Variants in COBLL1 observed in about 807,000 individuals in gnomAD.
COBLL1 encodes the protein cordon-bleu WH2 repeat protein like 1.
In COBLL1, 50 loss-of-function variants were observed where a neutral mutation model predicts 94.8. That is an observed-to-expected ratio of 0.53 (90% CI 0.42 to 0.67). COBLL1 has a LOEUF of 0.67. Ranked by LOEUF, COBLL1 falls within the 30% of genes least tolerant of loss-of-function variation. COBLL1 has a pLI of 0.00. For missense variants in COBLL1, 1,362 were observed against 1,348.7 expected (o/e 1.01, Z -0.15); for synonymous variants, 448 against 473.8 (o/e 0.95, Z 0.71).
intron 2 of COBLL1, among the ~76,000 whole-genome samples, chr2:164,784,928 T>A (rs1402383819): frequency 6.6e-6 from 1 of 152,120 alleles, no homozygotes; most frequent in Non-Finnish European, 1.5e-5. Context: ...TGTGACCGTG[T>A]TGGGAGGTGG....
chr2:164,750,684 T>C (rs1385445095), intron 2 of COBLL1, among the ~76,000 whole-genome samples: 1 of 152,144 alleles, frequency 6.6e-6, no homozygotes, highest in Non-Finnish European at 1.5e-5. Flanking sequence ...AGATCACATC[T>C]CTCTAATCCT....
rs1553469541 is a variant in COBLL1, at chr2:164,700,713, C to A, written c.1269G>T (p.Lys423Asn). 4.3e-6 allele frequency: 7 copies of A among 1,612,682 alleles called. No homozygotes were observed. Among genetic ancestry groups the A allele is most frequent in the Admixed American group, 1.7e-5 (1 of 59,998 alleles). The change falls in exon 10 of 14, where the codon AAG becomes AAT. Residue 423 changes from lysine (K) to asparagine (N), a missense_variant. Physicochemically the swap from Lys to Asn is moderately conservative, Grantham distance 94. Coordinates refer to ENST00000652658, the MANE Select transcript of COBLL1 (RefSeq NM_001365672.2). ...CTTTAGGCACTTCACTCAGTTCTTCCTTTTCATCTATCTCTTCAAGGCTAT... is the reference window on the plus strand; with the variant it reads ...CTTTAGGCACTTCACTCAGTTCTTCATTTTCATCTATCTCTTCAAGGCTAT... Reference protein sequence around the residue: ...SDYSLEEIDEKEELSEVPKVE... With the variant: ...SDYSLEEIDENEELSEVPKVE...
chr2:164,714,957 C>T (rs28433634), intron 7 of COBLL1, among the ~76,000 whole-genome samples: 22,442 of 152,046 alleles, frequency 0.15, 1,859 homozygotes, highest in African/African-American at 0.23. Context: ...TATATTTTTC[C>T]TTAAAGTTTA....
intron 2 of COBLL1, among the ~76,000 whole-genome samples, chr2:164,805,337 C>CA (rs1684066406): frequency 0.037 from 631 of 17,054 alleles, 90 homozygotes; most frequent in African/African-American, 0.11. Context: ...CTCTCTCTCT[C>CA]TATATATATA....
chr2:164,752,903 C>A (rs1362935933), intron 2 of COBLL1, among the ~76,000 whole-genome samples: 1 of 152,198 alleles, frequency 6.6e-6, no homozygotes, highest in Non-Finnish European at 1.5e-5. Flanking sequence ...ACAAGATGAT[C>A]CCATGCCCCT....
intron 7 of COBLL1, among the ~76,000 whole-genome samples, chr2:164,719,935 G>GA (rs901463859): frequency 2.4e-4 from 35 of 145,782 alleles, no homozygotes; most frequent in Middle Eastern, 3.5e-3. Context: ...ACAGTGACAA[G>GA]AAAAAAAAAA....
chr2:164,705,797 G>A (rs1422387980), intron 7 of COBLL1, among the ~76,000 whole-genome samples: 3 of 152,312 alleles, frequency 2.0e-5, no homozygotes, highest in South Asian at 2.1e-4. Flanking sequence ...ACTTTGGAAG[G>A]CCAAGGTGGG....
intron 2 of COBLL1, among the ~76,000 whole-genome samples, chr2:164,801,417 C>G (rs958723257): frequency 5.1e-5 from 6 of 117,534 alleles, no homozygotes; most frequent in Admixed American, 1.2e-4. Context: ...CCAGCCTGGG[C>G]GACAGAGCGA....
At chr2:164,659,241 G>A (rs1170434154) in intron 2 of COBLL1, among the ~76,000 whole-genome samples, 13 of 152,142 alleles carry the variant, frequency 8.5e-5, no homozygotes, top group Admixed American at 8.5e-4. Context: ...TTACTTTAAA[G>A]TATTCCATTA....
chr2:164,666,259 G>A (rs911829604), intron 1 of COBLL1, among the ~76,000 whole-genome samples: 1 of 151,968 alleles, frequency 6.6e-6, no homozygotes, highest in African/African-American at 2.4e-5. Flanking sequence ...AAATTTTTTG[G>A]TTGCCCAGTA....
chr2:164,778,041 A>G (rs355888), intron 2 of COBLL1, among the ~76,000 whole-genome samples: 37,797 of 152,118 alleles, frequency 0.25, 5,747 homozygotes, highest in African/African-American at 0.42. Context: ...CCTATGCATA[A>G]TGGCCAAGAG....
chr2:164,816,057 C>T (rs1993292), intron 2 of COBLL1, among the ~76,000 whole-genome samples: 54,099 of 151,578 alleles, frequency 0.36, 9,835 homozygotes, highest in Admixed American at 0.41. Flanking sequence ...CAAGCTTGTA[C>T]GCAAAAACAT....
intron 6 of COBLL1, 31 bp downstream of exon 6, chr2:164,722,394 C>G: frequency 6.7e-7 from 1 of 1,497,914 alleles, no homozygotes; most frequent in South Asian, 1.3e-5. Context: ...ATTGAAGAAT[C>G]TTACAAAATG....
intron 2 of COBLL1, among the ~76,000 whole-genome samples, chr2:164,809,212 G>A (rs1235846623): frequency 6.6e-6 from 1 of 151,996 alleles, no homozygotes; most frequent in African/African-American, 2.4e-5. Context: ...AATCACAGTT[G>A]AAAGATATGT....
rs1394474968 is a variant in COBLL1, at chr2:164,722,195, CTT to C, written c.874_875del (p.Lys292GlufsTer37). On this transcript the variant is annotated frameshift_variant, in exon 7 of 14. Coordinates refer to ENST00000652658, the MANE Select transcript of COBLL1 (RefSeq NM_001365672.2). LOFTEE classifies it high-confidence loss of function. ...GCATCGGGGGCAGTGGAGCCCGCCTCTTCTTGGGTGCATCCGACGGCAGGGTG... is the reference window on the plus strand; with the variant it reads ...GCATCGGGGGCAGTGGAGCCCGCCTCCTTGGGTGCATCCGACGGCAGGGTG... Reference protein sequence around the residue: ...SNTLPSDAPKKRRAPLPPMPA... With the variant: ...SNTLPSDAPKXRRAPLPPMPA... 6.2e-7 allele frequency: 1 copy of C among 1,614,100 alleles called. No individual in the cohort carries two copies. The highest frequency in any genetic ancestry group is 1.7e-5 in the Admixed American group (1 of 60,000).
intron 2 of COBLL1, among the ~76,000 whole-genome samples, chr2:164,664,679 C>G (rs75797197): frequency 0.016 from 2,416 of 151,984 alleles, 65 homozygotes; most frequent in African/African-American, 0.056. Context: ...TGAGGAAGAA[C>G]GGTTAATTTC....
At chr2:164,739,006 A>C (rs1210321107) in intron 3 of COBLL1, among the ~76,000 whole-genome samples, 1 of 152,186 alleles carries the variant, frequency 6.6e-6, no homozygotes, top group Non-Finnish European at 1.5e-5. Context: ...AAATATTTTA[A>C]TTCCTCCTTC....
intron 7 of COBLL1, among the ~76,000 whole-genome samples, chr2:164,706,815 A>G (rs567974667): frequency 6.6e-4 from 100 of 152,372 alleles, no homozygotes; most frequent in Non-Finnish European, 1.2e-3. Flanking sequence ...GTCCTTCAAC[A>G]TAGCAGCAAA....
chr2:164,668,954 C>CATTTACAGTAT (rs1691207172), intron 1 of COBLL1, among the ~76,000 whole-genome samples: 2 of 152,188 alleles, frequency 1.3e-5, no homozygotes, highest in African/African-American at 2.4e-5. Flanking sequence ...ACGGTATGAA[C>CATTTACAGTAT]ATTTACAGTA....
Sources: allele counts gnomAD v4.1 joint callset (sites outside exome capture counted in the v4.1 genomes callset), GRCh38; gene constraint gnomAD v4.1.1; transcripts MANE v1.5; gene names NCBI Gene and HGNC (gene_info 2026-07-23, HGNC 2026-07-21).